Variants in AGAP1 observed in about 807,000 individuals in gnomAD.
The protein encoded by AGAP1 is ArfGAP with GTPase domain, ankyrin repeat and PH domain 1, also known as arf-GAP with GTPase, ANK repeat and PH domain-containing protein 1.
Under a neutral mutation model 105.3 loss-of-function variants are expected in AGAP1, and 29 were observed. That is an observed-to-expected ratio of 0.28 (90% confidence interval 0.21 to 0.38). The LOEUF (loss-of-function observed/expected upper bound fraction) is 0.38, where lower values mean the gene tolerates loss of function less well. AGAP1 is among the 10% of genes least tolerant of loss of function. The pLI is 1.00. For missense variants in AGAP1, 998 were observed against 1,165.1 expected, an observed-to-expected ratio of 0.86 and a Z score of 2.09; for synonymous variants, 509 against 485.9, an observed-to-expected ratio of 1.05 and a Z score of -0.63.
rs28433682 is a variant in AGAP1, at chr2:236,024,013, G to A, written c.1646-12548G>A. 7.4e-3 allele frequency among the ~76,000 whole-genome samples: 1,073 copies of A among 144,604 alleles called. 10 individuals carry two copies. Among genetic ancestry groups the A allele is most frequent in the African/African-American group, 0.027 (1,015 of 38,064 alleles). 94.9% of individuals were successfully genotyped at this position (144,604 alleles called of 152,430 possible). ...GCACCTGCACCCATCAGTAGTTTGTGGTTGGTTGTTTTTTTTTTTTGTTTT... is the reference window on the plus strand; with the variant it reads ...GCACCTGCACCCATCAGTAGTTTGTAGTTGGTTGTTTTTTTTTTTTGTTTT... On this transcript the variant is annotated intron_variant, in intron 13 of 17. Transcript: ENST00000304032.
Position 235,874,192 on chromosome 2 carries a change from A to G in AGAP1, c.1051-9153A>G, listed in dbSNP as rs904299615. Among the ~76,000 whole-genome samples, 8 of 152,092 alleles carry G rather than the reference A, an allele frequency of 5.3e-5. No individual in the cohort carries two copies. Among genetic ancestry groups the G allele is most frequent in the Non-Finnish European group, 1.0e-4 (7 of 68,024 alleles). On this transcript the variant is annotated intron_variant, in intron 9 of 17. Coordinates refer to ENST00000304032, the MANE Select transcript of AGAP1 (RefSeq NM_001037131.3). This position sits in a 1 kb window ranked among gnomAD's most constrained non-coding sequence, Gnocchi z 4.5. ...CAGCCTCCCAAGTAGCTAGGTCTACAGGCGCACACCACCATGCCCAGCTAA... is the reference window on the plus strand; with the variant it reads ...CAGCCTCCCAAGTAGCTAGGTCTACGGGCGCACACCACCATGCCCAGCTAA...
chr2:236,043,740 G>A (rs1465241916), intron 15 of AGAP1, among the ~76,000 whole-genome samples: 1 of 149,496 alleles, frequency 6.7e-6, no homozygotes, highest in Non-Finnish European at 1.5e-5. Flanking sequence ...AAAAAAAGTG[G>A]GGGGGGTGCT....
chr2:235,706,376 C>T (rs540261270), intron 1 of AGAP1, among the ~76,000 whole-genome samples: 237 of 151,350 alleles, frequency 1.6e-3, no homozygotes, highest in African/African-American at 5.6e-3. Context: ...AGGCGCCCGC[C>T]ACCACGCCCG....
rs1032059500 is a variant in AGAP1, at chr2:235,754,999, C to T, written c.673+4511C>T. 6.6e-6 allele frequency among the ~76,000 whole-genome samples: 1 copy of T among 152,180 alleles called. No homozygotes were observed. The highest frequency in any genetic ancestry group is 1.5e-5 in the Non-Finnish European group (1 of 68,042). ...TGCGGGGCTGGGTGAGCTGGTTCCA[C>T]AAGATGGTTTCTGCTTGACCTGGGC... On this transcript the variant is annotated intron_variant, in intron 6 of 17. Coordinates refer to ENST00000304032, the MANE Select transcript of AGAP1 (RefSeq NM_001037131.3). The surrounding 1 kb of genome is among the most constrained non-coding windows in gnomAD (Gnocchi z 4.6).
intron 1 of AGAP1, among the ~76,000 whole-genome samples, chr2:235,632,423 C>T (rs1459831008): frequency 6.6e-6 from 1 of 152,164 alleles, no homozygotes; most frequent in East Asian, 1.9e-4. Context: ...CTCCATGGAG[C>T]CCCTGTTTCG....
rs2125888503 is a variant in AGAP1 at position 236,096,552 on chromosome 2, GA to G, written c.2115-23639del. Among the ~76,000 whole-genome samples, 1 of 151,628 alleles carries G rather than the reference GA, an allele frequency of 6.6e-6. No homozygotes were observed. The highest frequency in any genetic ancestry group is 2.4e-5 in the African/African-American group (1 of 41,392). ...ATCAGTTAGATGGAATGCCAGTGCA[GA>G]CAAATGATGCAGTTTTATTTTTTAT... On this transcript the variant is annotated intron_variant, in intron 16 of 17. Transcript: ENST00000304032. The surrounding 1 kb of genome is among the most constrained non-coding windows in gnomAD (Gnocchi z 4.4).
At chr2:235,627,514 G>A (rs1196457524) in intron 1 of AGAP1, among the ~76,000 whole-genome samples, 1 of 152,114 alleles carries the variant, frequency 6.6e-6, no homozygotes, top group Non-Finnish European at 1.5e-5. Context: ...CGTGAGCCAC[G>A]GCGCCCGGCT....
intron 13 of AGAP1, among the ~76,000 whole-genome samples, chr2:235,987,151 G>A (rs1315397676): frequency 6.6e-6 from 1 of 150,496 alleles, no homozygotes. Context: ...TGGTTGGTAG[G>A]CTATTAATTA....
At position 235,994,577 on chromosome 2, in the gene AGAP1, T is replaced by G. The variant is rs1346325284; in HGVS notation, c.1645+25954T>G. 6.6e-6 allele frequency among the ~76,000 whole-genome samples: 1 copy of G among 152,100 alleles called. No homozygotes were observed. The highest frequency in any genetic ancestry group is 1.5e-5 in the Non-Finnish European group (1 of 68,012). On this transcript the variant is annotated intron_variant, in intron 13 of 17. Coordinates refer to ENST00000304032, the MANE Select transcript of AGAP1 (RefSeq NM_001037131.3). The surrounding 1 kb of genome is among the most constrained non-coding windows in gnomAD (Gnocchi z 4.4). ...AGAGGTTACTTTCTACCAAACTGTT[T>G]CCTAATTGCACTCCCTGCATTGTCT...
At chr2:235,709,820 C>T (rs1054321548) in intron 2 of AGAP1, among the ~76,000 whole-genome samples, 4 of 152,166 alleles carry the variant, frequency 2.6e-5, no homozygotes, top group Non-Finnish European at 5.9e-5. Flanking sequence ...ATCGCAGCCA[C>T]CCTTTCCAGC....
At chr2:235,821,403 A>ATTTTTTTTTTTT in intron 9 of AGAP1, among the ~76,000 whole-genome samples, 1 of 105,536 alleles carries the variant, frequency 9.5e-6, no homozygotes, top group African/African-American at 3.7e-5. Context: ...TTTTTTTTTG[A>ATTTTTTTTTTTT]GACGGGGTCT....
intron 13 of AGAP1, among the ~76,000 whole-genome samples, chr2:236,023,475 G>A (rs190667150): frequency 3.3e-5 from 5 of 152,224 alleles, no homozygotes; most frequent in African/African-American, 9.6e-5. Context: ...TTGTTAATAG[G>A]GGAAAAAGAA....
At chr2:236,098,869 C>T (rs1001039966) in intron 16 of AGAP1, among the ~76,000 whole-genome samples, 5 of 151,538 alleles carry the variant, frequency 3.3e-5, no homozygotes, top group East Asian at 2.0e-4. Context: ...GTGATCTTGC[C>T]GTCTTAGCCT....
In AGAP1 at chr2:235,746,263, T is replaced by G. The variant is rs1304461617; in HGVS notation, c.538+1424T>G. Among the ~76,000 whole-genome samples the G allele has an allele frequency of 2.0e-5, 3 of 148,618 alleles. No homozygotes were observed. The East Asian group carries it at 6.0e-4, about 30-fold the overall frequency. Reference sequence around the variant, plus strand: ...ATCGTGCCACTGCACTCCAGCCTGGTAGACAGAGGGAGACTCCATCTCAAG... The same window carrying G: ...ATCGTGCCACTGCACTCCAGCCTGGGAGACAGAGGGAGACTCCATCTCAAG... On this transcript the variant is annotated intron_variant, in intron 5 of 17. Coordinates refer to ENST00000304032, the MANE Select transcript of AGAP1 (RefSeq NM_001037131.3).
At chr2:235,726,551 A>G (rs762488610) in intron 3 of AGAP1, among the ~76,000 whole-genome samples, 27 of 152,174 alleles carry the variant, frequency 1.8e-4, no homozygotes, top group Non-Finnish European at 2.6e-4. Context: ...CAATGGAACC[A>G]CCATCACACA....
chr2:235,578,872 A>G lies in AGAP1; in HGVS notation c.163+84023A>G, dbSNP rs780979535. Reference sequence around the variant, plus strand: ...CAATAGTTTTTCACTGTTGAGGGTCAAAATTTTACCTTTGTCTACCTATCT... The same window carrying G: ...CAATAGTTTTTCACTGTTGAGGGTCGAAATTTTACCTTTGTCTACCTATCT... On this transcript the variant is annotated intron_variant, in intron 1 of 17. Transcript: ENST00000304032. The surrounding 1 kb of genome is among the most constrained non-coding windows in gnomAD (Gnocchi z 4.9). 9.2e-5 allele frequency among the ~76,000 whole-genome samples: 14 copies of G among 152,190 alleles called. No homozygotes were observed. Among genetic ancestry groups the G allele is most frequent in the Non-Finnish European group, 1.8e-4 (12 of 67,994 alleles).
At chr2:235,589,868 T>G (rs1262342690) in intron 1 of AGAP1, among the ~76,000 whole-genome samples, 2 of 151,566 alleles carry the variant, frequency 1.3e-5, no homozygotes, top group African/African-American at 4.8e-5. Flanking sequence ...GGTTTGGGAA[T>G]GAGTAGGAAG....
At chr2:235,841,995 G>A (rs139321853) in intron 9 of AGAP1, among the ~76,000 whole-genome samples, 169 of 152,238 alleles carry the variant, frequency 1.1e-3, no homozygotes, top group African/African-American at 3.6e-3. Flanking sequence ...AAATCTTGCC[G>A]TCACCACTCC....
intron 1 of AGAP1, among the ~76,000 whole-genome samples, chr2:235,547,443 C>A (rs1943663080): frequency 1.3e-5 from 2 of 151,094 alleles, no homozygotes. Context: ...ACTGCAACCT[C>A]TGCCTCCCGG....
Sources: allele counts gnomAD v4.1 joint callset (sites outside exome capture counted in the v4.1 genomes callset), GRCh38; gene constraint gnomAD v4.1.1; non-coding constraint Gnocchi (gnomAD v3.1); transcripts MANE v1.5; gene names NCBI Gene and HGNC (gene_info 2026-07-23, HGNC 2026-07-21).